Variants in OSBPL11 observed in about 807,000 individuals in gnomAD.
OSBPL11 encodes the protein oxysterol-binding protein-related protein 11.
OSBPL11 carries 33 observed loss-of-function variants against 84.4 expected under a neutral mutation model. The observed-to-expected ratio is 0.39, with a 90% CI of 0.30 to 0.52. OSBPL11 has a LOEUF of 0.52. Among genes scored for constraint, OSBPL11 ranks in the 20% least tolerant of loss-of-function variants. The probability of loss-of-function intolerance (pLI) is 0.72; values close to 1 mark genes in which losing one functional copy is unlikely to be tolerated. For missense variants in OSBPL11, 736 were observed against 901.1 expected, an observed-to-expected ratio of 0.82 and a Z score of 2.35; for synonymous variants, 276 against 310.2, an observed-to-expected ratio of 0.89 and a Z score of 1.16.
At chr3:125,546,150 T>G in intron 10 of OSBPL11, among the ~76,000 whole-genome samples, 1 of 145,356 alleles carries the variant, frequency 6.9e-6, no homozygotes, top group African/African-American at 2.5e-5. Flanking sequence ...AATAGGAAAG[T>G]CTATTTCGTT....
At chr3:125,568,790 A>G (rs1035569918) in intron 5 of OSBPL11, among the ~76,000 whole-genome samples, 1 of 152,184 alleles carries the variant, frequency 6.6e-6, no homozygotes, top group Non-Finnish European at 1.5e-5. Context: ...GAGCAAGCCA[A>G]TTTTTTAGAG....
chr3:125,542,535 G>C (rs1009613293), intron 10 of OSBPL11, among the ~76,000 whole-genome samples: 1 of 144,584 alleles, frequency 6.9e-6, no homozygotes, highest in African/African-American at 2.6e-5. Context: ...TTGAGACGTA[G>C]CCTCACTTTG....
At chr3:125,567,916 C>T (rs1936183890) in intron 5 of OSBPL11, among the ~76,000 whole-genome samples, 1 of 150,618 alleles carries the variant, frequency 6.6e-6, no homozygotes, top group African/African-American at 2.5e-5. Flanking sequence ...ATCACTTGAG[C>T]CCAGGAGGTT....
intron 7 of OSBPL11, among the ~76,000 whole-genome samples, chr3:125,562,934 A>C (rs1936098899): frequency 6.6e-6 from 1 of 152,172 alleles, no homozygotes; most frequent in Non-Finnish European, 1.5e-5. Flanking sequence ...CTCAAAAAAA[A>C]AGGAGAAAAA....
chr3:125,547,541 C>T lies in OSBPL11; in HGVS notation c.1706G>A (p.Cys569Tyr), dbSNP rs1363521922. 3 of 1,613,652 alleles carry T rather than the reference C, an allele frequency of 1.9e-6. No homozygotes were observed. The highest frequency in any genetic ancestry group is 2.5e-6 in the Non-Finnish European group (3 of 1,179,726). ...HGEEYTFSLP[C>Y]AYARSILTVP... ...AGTCAAAATTGACCGAGCATATGCACAGGGTAGAGAAAATGTGTACTCTTC... is the reference window on the plus strand; with the variant it reads ...AGTCAAAATTGACCGAGCATATGCATAGGGTAGAGAAAATGTGTACTCTTC... Residue 569 changes from cysteine to tyrosine, a missense_variant, in exon 10 of 13, where the codon TGT becomes TAT. Transcript: ENST00000296220.
At chr3:125,589,549 T>A (rs961346082) in intron 1 of OSBPL11, among the ~76,000 whole-genome samples, 1 of 151,614 alleles carries the variant, frequency 6.6e-6, no homozygotes, top group Non-Finnish European at 1.5e-5. Context: ...CTATAGCAGA[T>A]GTCAGATACA....
intron 10 of OSBPL11, among the ~76,000 whole-genome samples, chr3:125,540,514 T>G (rs1353932239): frequency 6.6e-6 from 1 of 152,170 alleles, no homozygotes; most frequent in Non-Finnish European, 1.5e-5. Context: ...TTTCTTGTGA[T>G]GTCATTACAT....
intron 4 of OSBPL11, among the ~76,000 whole-genome samples, chr3:125,577,884 A>G (rs1936354390): frequency 6.6e-6 from 1 of 152,120 alleles, no homozygotes; most frequent in Admixed American, 6.6e-5. Flanking sequence ...TGTTGATGGG[A>G]ATGTAAAAAA....
chr3:125,569,079 G>C (rs963120707), intron 5 of OSBPL11, among the ~76,000 whole-genome samples: 7 of 152,102 alleles, frequency 4.6e-5, no homozygotes, highest in African/African-American at 1.7e-4. Context: ...CGGGTAGCTG[G>C]AACTACAGGT....
chr3:125,580,924 T>C (rs1248729525), intron 2 of OSBPL11, among the ~76,000 whole-genome samples: 2 of 152,086 alleles, frequency 1.3e-5, no homozygotes, highest in Admixed American at 6.6e-5. Context: ...AAAGCTGCAA[T>C]TGGAGATGCT....
At chr3:125,592,682 A>G (rs182781985) in intron 1 of OSBPL11, among the ~76,000 whole-genome samples, 4 of 152,274 alleles carry the variant, frequency 2.6e-5, no homozygotes, top group Admixed American at 2.0e-4. Context: ...ACCTATTGAA[A>G]AGAAGAAAAA....
Position 125,555,924 on chromosome 3 carries a change from C to G in OSBPL11, c.1156-3245G>C, listed in dbSNP as rs144775928. ...TCTCAAACTCCTGGCCTCAAGTGAT[C>G]TGCCTGCTTTGGCCTCCCAAAGTGC... is the stretch of plus-strand genomic sequence containing the variant. On this transcript the variant is annotated intron_variant, in intron 8 of 12. Coordinates refer to ENST00000296220, the MANE Select transcript of OSBPL11 (RefSeq NM_022776.5). Among the ~76,000 whole-genome samples the G allele has an allele frequency of 3.5e-4, 53 of 152,272 alleles. No homozygotes were observed. In the East Asian group the frequency reaches 0.01, roughly 29 times the overall value.
chr3:125,535,439 C>CTT (rs763678488), intron 11 of OSBPL11, among the ~76,000 whole-genome samples: 7,602 of 84,258 alleles, frequency 0.09, 695 homozygotes, highest in East Asian at 0.15. Flanking sequence ...TCAGAAGCAT[C>CTT]TTTTTTTTTT....
intron 8 of OSBPL11, among the ~76,000 whole-genome samples, chr3:125,554,629 AAAG>A (rs1334543831): frequency 5.9e-5 from 9 of 152,206 alleles, no homozygotes; most frequent in Admixed American, 2.0e-4. Context: ...CAGAAACCTC[AAAG>A]GAGGGGAAAA....
At position 125,572,759 on chromosome 3, in the gene OSBPL11, CCA is replaced by C. The variant is rs1285344727; in HGVS notation, c.666+3428_666+3429del. Among the ~76,000 whole-genome samples, 17 of 150,294 alleles carry C rather than the reference CCA, an allele frequency of 1.1e-4. No homozygotes were observed. The Admixed American group carries it at 1.1e-3, about 10-fold the overall frequency. The stretch of plus-strand genomic sequence containing the variant: ...CAACCTCTTTTTCTGTATAAATTAC[CCA>C]GTCTCGGGTATGTCTTTATCAGCAG... On this transcript the variant is annotated intron_variant, in intron 5 of 12. Coordinates refer to ENST00000296220, the MANE Select transcript of OSBPL11 (RefSeq NM_022776.5).
chr3:125,542,762 G>A (rs1189789192), intron 10 of OSBPL11, among the ~76,000 whole-genome samples: 3 of 151,970 alleles, frequency 2.0e-5, no homozygotes, highest in Non-Finnish European at 4.4e-5. Flanking sequence ...TACCCGCCTC[G>A]GCCTGACAAA....
intron 4 of OSBPL11, among the ~76,000 whole-genome samples, chr3:125,576,958 A>G (rs1936335832): frequency 6.6e-6 from 1 of 152,224 alleles, no homozygotes; most frequent in South Asian, 2.1e-4. Flanking sequence ...TGCTGGGATT[A>G]TAGGCATGAG....
At chr3:125,586,084 TAAATA>T (rs1431972237) in intron 1 of OSBPL11, among the ~76,000 whole-genome samples, 7 of 152,064 alleles carry the variant, frequency 4.6e-5, no homozygotes, top group African/African-American at 7.2e-5. Context: ...CTAAAAACAG[TAAATA>T]AAATAAAATG....
In OSBPL11 at chr3:125,564,774, C is replaced by T. The variant is rs1417033494; in HGVS notation, c.869-931G>A. ...GGTTCAAGTGATTATCCTGCCTCAG[C>T]CTCCCGGGTAGCTGGGACTACAGGT... is the stretch of plus-strand genomic sequence containing the variant. On this transcript the variant is annotated intron_variant, in intron 6 of 12. Coordinates refer to ENST00000296220, the MANE Select transcript of OSBPL11 (RefSeq NM_022776.5). Among the ~76,000 whole-genome samples the T allele has an allele frequency of 2.0e-5, 3 of 151,900 alleles. 1 individual carries two copies. The highest frequency in any genetic ancestry group is 6.3e-3 in the Middle Eastern group (2 of 316).
Sources: gnomAD v4.1 joint callset for allele counts (sites outside exome capture counted in the v4.1 genomes callset) on GRCh38, gnomAD v4.1.1 for gene constraint, MANE v1.5 for transcripts, NCBI Gene and HGNC (gene_info 2026-07-23, HGNC 2026-07-21) for gene names.